The following NFATC3 variants were observed in gnomAD, a reference collection of about 807,000 sequenced individuals.
NFATC3 encodes the protein nuclear factor of activated T-cells, cytoplasmic 3.
In NFATC3, 46 loss-of-function variants were observed where a neutral mutation model predicts 98.6. The observed-to-expected ratio is 0.47, with a 90% CI of 0.37 to 0.60. NFATC3 has a LOEUF of 0.60. Ranked by LOEUF, NFATC3 falls within the 20% of genes least tolerant of loss-of-function variation. The pLI, the probability that NFATC3 is intolerant of heterozygous loss-of-function variation, is 0.00. For missense variants in NFATC3, 1,256 were observed against 1,295.5 expected (o/e 0.97, Z 0.47); for synonymous variants, 512 against 472.2 (o/e 1.08, Z -1.09).
intron 5 of NFATC3, among the ~76,000 whole-genome samples, chr16:68,170,680 A>G (rs2039419419): frequency 6.6e-6 from 1 of 151,676 alleles, no homozygotes; most frequent in South Asian, 2.1e-4. Context: ...TTTAGTAGAG[A>G]TGGGGTTTTA....
At chr16:68,187,071 TGTGA>T (rs1192560935) in intron 8 of NFATC3, among the ~76,000 whole-genome samples, 3 of 152,126 alleles carry the variant, frequency 2.0e-5, no homozygotes, top group Admixed American at 1.3e-4. Context: ...GGAAGGGGTG[TGTGA>T]GTGAGTGAGC....
At chr16:68,114,631 G>A (rs1402774559) in intron 1 of NFATC3, among the ~76,000 whole-genome samples, 1 of 146,368 alleles carries the variant, frequency 6.8e-6, no homozygotes, top group Admixed American at 7.0e-5. Context: ...CTGGAGTGCT[G>A]TGGTGCAATC....
At chr16:68,221,274 G>C (rs772270738) in intron 9 of NFATC3, 1 of 1,614,048 alleles carries the variant, frequency 6.2e-7, no homozygotes, top group Non-Finnish European at 8.5e-7. Context: ...AGATATCTGA[G>C]GAATCTAGAG....
At chr16:68,115,685 A>G (rs2036237824) in intron 1 of NFATC3, among the ~76,000 whole-genome samples, 1 of 152,130 alleles carries the variant, frequency 6.6e-6, no homozygotes. Context: ...TTGGCCTCCC[A>G]AAGTGCTGGA....
chr16:68,112,392 C>G (rs1354289155), intron 1 of NFATC3, among the ~76,000 whole-genome samples: 1 of 149,446 alleles, frequency 6.7e-6, no homozygotes, highest in Non-Finnish European at 1.5e-5. Context: ...ATCCTTCTGC[C>G]TCAGCCGCCC....
chr16:68,092,418 A>T (rs541961984), intron 1 of NFATC3, among the ~76,000 whole-genome samples: 2 of 147,936 alleles, frequency 1.4e-5, no homozygotes, highest in South Asian at 2.1e-4. Flanking sequence ...GTACCATTGC[A>T]CTCCAGCCTG....
At chr16:68,102,209 A>G (rs1732782475) in intron 1 of NFATC3, among the ~76,000 whole-genome samples, 1 of 151,788 alleles carries the variant, frequency 6.6e-6, no homozygotes, top group South Asian at 2.1e-4. Context: ...GTCTCTACTA[A>G]AAATACAAAA....
At position 68,181,354 on chromosome 16, in the gene NFATC3, G is replaced by A. The variant is rs2039942283; in HGVS notation, c.1916-121G>A. ...ATATTTATATTTTATTTTCATAATG[G>A]AAGTCAGTGGAAAAAAGATCCCCTT... On this transcript the variant is annotated intron_variant, in intron 6 of 9. Coordinates refer to ENST00000346183, the MANE Select transcript of NFATC3 (RefSeq NM_173165.3). 4.3e-6 allele frequency: 3 copies of A among 692,514 alleles called. No individual in the cohort carries two copies. The South Asian group carries it at 4.8e-5, about 11-fold the overall frequency. 42.9% of individuals were successfully genotyped at this position (692,514 alleles called of 1,614,324 possible). A position where few individuals can be genotyped will look rare whatever the true frequency, so the allele number is the denominator to read the frequency against.
chr16:68,108,964 G>C (rs1567501261), intron 1 of NFATC3, among the ~76,000 whole-genome samples: 1 of 152,150 alleles, frequency 6.6e-6, no homozygotes, highest in Non-Finnish European at 1.5e-5. Context: ...ATCAGCTTAA[G>C]CTTTTGGGCT....
In NFATC3 at chr16:68,191,739, G is replaced by T; in HGVS notation, c.3070G>T (p.Ala1024Ser). Residue 1024 changes from alanine (A) to serine (S), a missense_variant, in exon 9 of 10, where the codon GCA becomes TCA. Transcript: ENST00000346183. ...PEPEDREPNF[A>S]TIGLQDITLD... ...ACCAGAAGATCGAGAGCCTAACTTT[G>T]CAACCATTGGTCTGCAGGACATCAC... 1 of 1,614,070 alleles carries T rather than the reference G, an allele frequency of 6.2e-7. No individual in the cohort carries two copies. Among genetic ancestry groups the T allele is most frequent in the Non-Finnish European group, 8.5e-7 (1 of 1,180,026 alleles).
intron 7 of NFATC3, among the ~76,000 whole-genome samples, chr16:68,182,037 G>A (rs1015288533): frequency 1.3e-5 from 2 of 152,094 alleles, no homozygotes; most frequent in Non-Finnish European, 2.9e-5. Context: ...TCTCCTTATT[G>A]TATATAGGGA....
chr16:68,138,507 T>C, intron 3 of NFATC3: 5 of 1,271,940 alleles, frequency 3.9e-6, no homozygotes, highest in Non-Finnish European at 5.1e-6. Context: ...AAATTGTTGC[T>C]CAGGAATCCA....
intron 6 of NFATC3, among the ~76,000 whole-genome samples, chr16:68,176,789 A>G (rs1032236275): frequency 1.3e-5 from 2 of 152,140 alleles, no homozygotes; most frequent in African/African-American, 4.8e-5. Context: ...TATTCCGGAT[A>G]TCAGAGTGAT....
Position 68,122,784 on chromosome 16 carries a change from C to A in NFATC3, c.901C>A (p.Pro301Thr), listed in dbSNP as rs771396124. Residue 301 changes from proline (P) to threonine (T), a missense_variant, in exon 2 of 10, where the codon CCC (proline) becomes ACC (threonine). This residue lies in a region of NFATC3 where 464 missense variants were observed against 465.7 expected (regional missense o/e 1.00). Coordinates refer to ENST00000346183, the MANE Select transcript of NFATC3 (RefSeq NM_173165.3). ...HSPVPSPGHSPRGSVTEDTWL... is the reference protein window; with the variant it reads ...HSPVPSPGHSTRGSVTEDTWL... Reference sequence around the variant, plus strand: ...ACCTGTTCCTTCACCTGGTCACTCCCCCAGGGGAAGTGTGACAGAAGATAC... The same window carrying A: ...ACCTGTTCCTTCACCTGGTCACTCCACCAGGGGAAGTGTGACAGAAGATAC... 1.9e-6 allele frequency: 3 copies of A among 1,614,124 alleles called. No individual in the cohort carries two copies. The highest frequency in any genetic ancestry group is 2.2e-5 in the South Asian group (2 of 91,096).
At chr16:68,124,885 C>A (rs553206048) in intron 2 of NFATC3, among the ~76,000 whole-genome samples, 1 of 152,092 alleles carries the variant, frequency 6.6e-6, no homozygotes, top group Non-Finnish European at 1.5e-5. Flanking sequence ...CCTGCCACCA[C>A]GCCTGGCTAA....
chr16:68,182,645 T>C, intron 7 of NFATC3, among the ~76,000 whole-genome samples: 1 of 152,008 alleles, frequency 6.6e-6, no homozygotes, highest in Non-Finnish European at 1.5e-5. Flanking sequence ...CTCAGACTCC[T>C]GAGTAGCTGG....
At chr16:68,202,108 C>T (rs1030680449) in intron 9 of NFATC3, among the ~76,000 whole-genome samples, 2 of 152,050 alleles carry the variant, frequency 1.3e-5, no homozygotes, top group African/African-American at 2.4e-5. Context: ...CACTTGTCCT[C>T]CTTGTTCACA....
rs1336071075 is a variant in NFATC3, at chr16:68,085,798, C to T, written c.103+14C>T. 4.2e-6 allele frequency: 6 copies of T among 1,437,996 alleles called. No individual in the cohort carries two copies. The highest frequency in any genetic ancestry group is 5.4e-6 in the Non-Finnish European group (6 of 1,106,050). The allele number at this position is 1,437,996 out of a possible 1,614,324, so 89.1% of individuals were successfully genotyped here. A position where few individuals can be genotyped will look rare whatever the true frequency, so the allele number is the denominator to read the frequency against. On this transcript the variant is annotated intron_variant, in intron 1 of 9. Coordinates refer to ENST00000346183, the MANE Select transcript of NFATC3 (RefSeq NM_173165.3). ...CGCGGCCTGCAGGTGGGTGCCGGGC[C>T]AGGCGGGACCGTGGAGCGACCCCGC...
intron 3 of NFATC3, among the ~76,000 whole-genome samples, chr16:68,132,396 A>G (rs2037159777): frequency 6.6e-6 from 1 of 152,232 alleles, no homozygotes; most frequent in Non-Finnish European, 1.5e-5. Flanking sequence ...GTAATAAGTC[A>G]AGGAAAAACC....
Sources: gnomAD v4.1 joint callset for allele counts (sites outside exome capture counted in the v4.1 genomes callset) on GRCh38, gnomAD v4.1.1 for gene constraint, gnomAD v4.1.1 regional missense constraint, MANE v1.5 for transcripts, NCBI Gene and HGNC (gene_info 2026-07-23, HGNC 2026-07-21) for gene names.